The following BMP2K variants were observed in gnomAD, a reference collection of about 807,000 sequenced individuals.
The protein encoded by BMP2K is BMP-2-inducible protein kinase.
BMP2K carries 74 observed loss-of-function variants against 116.0 expected under a neutral mutation model. That is an observed-to-expected ratio of 0.64 (90% CI 0.53 to 0.77). The LOEUF is 0.77. Among genes scored for constraint, BMP2K ranks in the 30% least tolerant of loss-of-function variants. The probability of loss-of-function intolerance (pLI) is 0.00; values close to 1 mark genes in which losing one functional copy is unlikely to be tolerated. For missense variants in BMP2K, 1,365 were observed against 1,403.6 expected (o/e 0.97, Z 0.44); for synonymous variants, 486 against 502.5 (o/e 0.97, Z 0.44).
At chr4:78,800,473 A>C (rs968820087) in intron 1 of BMP2K, among the ~76,000 whole-genome samples, 2 of 152,182 alleles carry the variant, frequency 1.3e-5, no homozygotes, top group Non-Finnish European at 2.9e-5. Flanking sequence ...TCAGTAATAC[A>C]AATTTTGGTG....
chr4:78,843,904 T>A (rs536845674), intron 4 of BMP2K, among the ~76,000 whole-genome samples: 1 of 152,076 alleles, frequency 6.6e-6, no homozygotes, highest in Non-Finnish European at 1.5e-5. Flanking sequence ...TGCTTAGTGC[T>A]TTTTATGTGT....
intron 14 of BMP2K, among the ~76,000 whole-genome samples, chr4:78,885,516 T>G (rs1172533679): frequency 1.3e-5 from 2 of 152,206 alleles, no homozygotes; most frequent in Non-Finnish European, 2.9e-5. Context: ...GAGATGCTGC[T>G]TGAACTTGGG....
At chr4:78,814,348 C>G (rs1316847629) in intron 1 of BMP2K, among the ~76,000 whole-genome samples, 2 of 152,204 alleles carry the variant, frequency 1.3e-5, no homozygotes, top group East Asian at 3.9e-4. Flanking sequence ...TTAATCGTTT[C>G]ATATATTTGT....
chr4:78,910,703 A>G lies in BMP2K; in HGVS notation c.2156A>G (p.Lys719Arg). 6.2e-7 allele frequency: 1 copy of G among 1,612,528 alleles called. No homozygotes were observed. The highest frequency in any genetic ancestry group is 8.5e-7 in the Non-Finnish European group (1 of 1,179,514). The change falls in exon 16 of 16, where the codon AAA (lysine) becomes AGA (arginine). Residue 719 changes from lysine to arginine, a missense_variant. By Grantham distance (26) the Lys-to-Arg change is conservative. Coordinates refer to ENST00000502613, the MANE Select transcript of BMP2K (RefSeq NM_198892.2). Reference protein sequence around the residue: ...IKNGKTSPASKDQRTGKKTSV... With the variant: ...IKNGKTSPASRDQRTGKKTSV... ...AACGGTAAAACAAGTCCAGCATCTAAAGATCAGCGGACTGGAAAGAAAACC... is the reference window on the plus strand; with the variant it reads ...AACGGTAAAACAAGTCCAGCATCTAGAGATCAGCGGACTGGAAAGAAAACC...
At chr4:78,843,559 A>G (rs1337402733) in intron 4 of BMP2K, among the ~76,000 whole-genome samples, 1 of 151,952 alleles carries the variant, frequency 6.6e-6, no homozygotes, top group Non-Finnish European at 1.5e-5. Context: ...ATGAAAGTTT[A>G]TTATAAAATG....
chr4:78,817,988 A>G (rs1197495808), intron 1 of BMP2K, among the ~76,000 whole-genome samples: 1 of 152,126 alleles, frequency 6.6e-6, no homozygotes, highest in East Asian at 1.9e-4. Flanking sequence ...ACATAATACA[A>G]TTTTAAGGCT....
intron 15 of BMP2K, among the ~76,000 whole-genome samples, chr4:78,888,744 A>G (rs772171687): frequency 1.3e-5 from 2 of 152,110 alleles, no homozygotes; most frequent in South Asian, 2.1e-4. Flanking sequence ...ACTGTTTACT[A>G]TGGGTATTTA....
chr4:78,795,638 A>T (rs1728220042), intron 1 of BMP2K, among the ~76,000 whole-genome samples: 3 of 152,152 alleles, frequency 2.0e-5, no homozygotes, highest in Non-Finnish European at 1.5e-5. Flanking sequence ...CAACCTACTC[A>T]TCTGACAAAG....
At chr4:78,836,507 C>G (rs1182725812) in intron 3 of BMP2K, among the ~76,000 whole-genome samples, 1 of 152,008 alleles carries the variant, frequency 6.6e-6, no homozygotes, top group African/African-American at 2.4e-5. Context: ...TTAAAAACAC[C>G]CCTTGGGGAG....
intron 1 of BMP2K, among the ~76,000 whole-genome samples, chr4:78,823,648 A>T (rs116504703): frequency 6.7e-6 from 1 of 150,086 alleles, no homozygotes; most frequent in Non-Finnish European, 1.5e-5. Flanking sequence ...TTATGTCTGT[A>T]TATCTGTATA....
intron 15 of BMP2K, among the ~76,000 whole-genome samples, chr4:78,889,484 TATA>T: frequency 6.6e-6 from 1 of 152,180 alleles, no homozygotes; most frequent in Non-Finnish European, 1.5e-5. Context: ...TGCTACTTAT[TATA>T]AAGCTTTGAA....
chr4:78,872,100 G>T, intron 12 of BMP2K, 152 bp downstream of exon 12: 1 of 622,694 alleles, frequency 1.6e-6, no homozygotes, highest in East Asian at 3.0e-5. Context: ...TTCTCAAGCA[G>T]CTTTAAATTG....
intron 1 of BMP2K, among the ~76,000 whole-genome samples, chr4:78,801,402 A>G (rs919985571): frequency 1.5e-4 from 22 of 151,518 alleles, no homozygotes; most frequent in African/African-American, 4.8e-4. Flanking sequence ...ACAGAGAAAT[A>G]ACTTTCCATT....
At chr4:78,788,878 A>G (rs184813136) in intron 1 of BMP2K, among the ~76,000 whole-genome samples, 1 of 145,660 alleles carries the variant, frequency 6.9e-6, no homozygotes, top group Admixed American at 6.8e-5. Flanking sequence ...ATTTGTTTTC[A>G]TCTTAGAATA....
chr4:78,784,393 T>A (rs900512889), intron 1 of BMP2K, among the ~76,000 whole-genome samples: 3 of 152,254 alleles, frequency 2.0e-5, no homozygotes, highest in African/African-American at 7.2e-5. Flanking sequence ...TGGTGAACCA[T>A]TCATCTACCC....
rs578146880 is a variant in BMP2K, at chr4:78,909,368, T to TC, written c.2063-1242_2063-1241insC. On this transcript the variant is annotated intron_variant, in intron 15 of 15. Coordinates refer to ENST00000502613, the MANE Select transcript of BMP2K (RefSeq NM_198892.2). ...TGTTTTTCTATAGAGCAGTCATTTT[T>TC]TTTTATGTAAACCTAATCATGACAC... Among the ~76,000 whole-genome samples, 207 of 55,522 alleles carry TC rather than the reference T, an allele frequency of 3.7e-3. 2 individuals carry two copies. The highest frequency in any genetic ancestry group is 0.011 in the African/African-American group (202 of 18,460). 36.4% of individuals were successfully genotyped at this position (55,522 alleles called of 152,430 possible).
chr4:78,796,483 A>G lies in BMP2K; in HGVS notation c.178+19762A>G, dbSNP rs1040011337. 2.0e-5 allele frequency among the ~76,000 whole-genome samples: 3 copies of G among 151,934 alleles called. No individual in the cohort carries two copies. In the South Asian group the frequency reaches 6.2e-4, roughly 32 times the overall value. The stretch of plus-strand genomic sequence containing the variant: ...GCGCACCAGCATGGCACATGTATAC[A>G]TATGTAACTAACCTGCACAATGTGC... On this transcript the variant is annotated intron_variant, in intron 1 of 15. Coordinates refer to ENST00000502613, the MANE Select transcript of BMP2K (RefSeq NM_198892.2).
At position 78,859,637 on chromosome 4, in the gene BMP2K, T is replaced by C; in HGVS notation, c.937T>C (p.Tyr313His). Residue 313 changes from tyrosine (Y) to histidine (H), a missense_variant, in exon 8 of 16, where the codon TAT becomes CAT. By Grantham distance (83) the Tyr-to-His change is moderately conservative (BLOSUM62 2). Transcript: ENST00000502613. ...EHRPDIFQVSYFAFKFAKKDC... is the reference protein window; with the variant it reads ...EHRPDIFQVSHFAFKFAKKDC... ...TAGACCTGATATATTTCAAGTGTCA[T>C]ATTTTGCATTTAAATTTGCCAAAAA... 6.2e-7 allele frequency: 1 copy of C among 1,611,122 alleles called. No homozygotes were observed. Among genetic ancestry groups the C allele is most frequent in the Non-Finnish European group, 8.5e-7 (1 of 1,178,372 alleles).
chr4:78,781,000 G>A (rs1475171877), intron 1 of BMP2K, among the ~76,000 whole-genome samples: 1 of 152,160 alleles, frequency 6.6e-6, no homozygotes, highest in Non-Finnish European at 1.5e-5. Flanking sequence ...TTTGAAGTAT[G>A]TCATGAAGAC....
Sources: gnomAD v4.1 joint callset for allele counts (sites outside exome capture counted in the v4.1 genomes callset) on GRCh38, gnomAD v4.1.1 for gene constraint, MANE v1.5 for transcripts, NCBI Gene and HGNC (gene_info 2026-07-23, HGNC 2026-07-21) for gene names.